The following ACBD4 variants were observed in gnomAD, a reference collection of about 807,000 sequenced individuals.
ACBD4 encodes the protein acyl-CoA-binding domain-containing protein 4.
Under a neutral mutation model 46.0 loss-of-function variants are expected in ACBD4, and 41 were observed. The ratio of observed to expected loss-of-function variants is 0.89; its 90% CI spans 0.69 to 1.16. The LOEUF (loss-of-function observed/expected upper bound fraction) is 1.16, where lower values mean the gene tolerates loss of function less well. ACBD4 is among the 50% of genes most tolerant of loss of function. The probability of loss-of-function intolerance (pLI) is 0.00; values close to 1 mark genes in which losing one functional copy is unlikely to be tolerated. For missense variants in ACBD4, 393 were observed against 399.5 expected (o/e 0.98, Z 0.14); for synonymous variants, 162 against 155.9 (o/e 1.04, Z -0.29).
chr17:45,137,004 C>G lies in ACBD4; in HGVS notation c.295-15C>G, dbSNP rs368142218. On this transcript the variant is annotated splice_polypyrimidine_tract_variant and intron_variant, in intron 4 of 9. Coordinates refer to ENST00000321854, the MANE Select transcript of ACBD4 (RefSeq NM_001135705.3). Reference sequence around the variant, plus strand: ...AGGAGGCCACTCCGTCCCCAACAGACCCCCTCCCCTACAGGTGATCGACAC... The same window carrying G: ...AGGAGGCCACTCCGTCCCCAACAGAGCCCCTCCCCTACAGGTGATCGACAC... 5.9e-5 allele frequency: 96 copies of G among 1,613,916 alleles called. No homozygotes were observed. Among genetic ancestry groups the G allele is most frequent in the Non-Finnish European group, 7.8e-5 (92 of 1,179,966 alleles).
intron 8 of ACBD4, 128 bp from the exon 9 acceptor site, chr17:45,138,893 G>A: frequency 2.0e-6 from 2 of 1,014,298 alleles, no homozygotes; most frequent in South Asian, 1.5e-5. Context: ...GACTTTGCAA[G>A]AATCACACTT....
chr17:45,136,870 C>A (rs1182382265), intron 4 of ACBD4, 94 bp downstream of exon 4: 14 of 1,582,432 alleles, frequency 8.8e-6, no homozygotes, highest in African/African-American at 1.3e-5. Context: ...ACATGGACCC[C>A]CTCATGGGAA....
At chr17:45,134,111 G>A (rs936879932), upstream of ACBD4, among the ~76,000 whole-genome samples, 2 of 152,140 alleles carry the variant, frequency 1.3e-5, no homozygotes, top group African/African-American at 4.8e-5. Context: ...CTTTGTATTA[G>A]GAACATTCCA....
Position 45,138,106 on chromosome 17 carries a change from C to A in ACBD4, c.649+118C>A, listed in dbSNP as rs1035732179. 3.7e-6 allele frequency: 4 copies of A among 1,087,354 alleles called. No homozygotes were observed. In the African/African-American group the frequency reaches 4.7e-5, roughly 13 times the overall value. The allele number at this position is 1,087,354 out of a possible 1,614,324, so 67.4% of individuals were successfully genotyped here. ...TGAAAGTCCATTGCTGGGCACTGAG[C>A]GAGAAGCCTCTGTCCAGGAAGGGCT... is the stretch of plus-strand genomic sequence containing the variant. On this transcript the variant is annotated intron_variant, in intron 8 of 9. Coordinates refer to ENST00000321854, the MANE Select transcript of ACBD4 (RefSeq NM_001135705.3).
chr17:45,140,658 C>CA (rs35492972), intron 9 of ACBD4, among the ~76,000 whole-genome samples: 64,997 of 130,692 alleles, frequency 0.5, 16,673 homozygotes, highest in African/African-American at 0.7. Flanking sequence ...GATCCTGCCT[C>CA]AAAAAAAAAA....
chr17:45,132,501 A>T, upstream of ACBD4: 1 of 706,084 alleles, frequency 1.4e-6, no homozygotes. The surrounding 1 kb of genome is among the most constrained non-coding windows in gnomAD (Gnocchi z 4.6). Context: ...GCTCTGAGCG[A>T]GGCGGCGAGC....
chr17:45,136,029 C>A, intron 1 of ACBD4, 76 bp downstream of exon 1: 1 of 1,054,324 alleles, frequency 9.5e-7, no homozygotes, highest in South Asian at 1.4e-5. Flanking sequence ...CTTAGTTTGC[C>A]CCTCTGGGAA....
chr17:45,138,948 C>G (rs2055076120), intron 8 of ACBD4, 73 bp from the exon 9 acceptor site: 1 of 1,539,878 alleles, frequency 6.5e-7, no homozygotes. Context: ...TGGGCTTGCC[C>G]CAGCCTGCCC....
At position 45,143,805 on chromosome 17, in the gene ACBD4, T is replaced by G. The variant is rs1014028635; in HGVS notation, c.*234T>G. 21 of 657,556 alleles carry G rather than the reference T, an allele frequency of 3.2e-5. No individual in the cohort carries two copies. The highest frequency in any genetic ancestry group is 2.1e-4 in the Admixed American group (7 of 33,476). 40.7% of individuals were successfully genotyped at this position (657,556 alleles called of 1,614,324 possible). On this transcript the variant is annotated 3_prime_UTR_variant, in exon 10 of 10. Coordinates refer to ENST00000321854, the MANE Select transcript of ACBD4 (RefSeq NM_001135705.3). ...CCAGGCTCCCCTGGGAGGCTGCAGT[T>G]GTGGTACACGTCCCCGGTGCTGGGT...
At chr17:45,134,915 C>T (rs2143721066), upstream of ACBD4, among the ~76,000 whole-genome samples, 1 of 152,204 alleles carries the variant, frequency 6.6e-6, no homozygotes, top group Middle Eastern at 3.4e-3. Context: ...CCCCCCCTCC[C>T]CAGTACCCTT....
At chr17:45,135,349 T>A (rs571403587), upstream of ACBD4, 38 of 152,272 alleles carry the variant, frequency 2.5e-4, no homozygotes, top group African/African-American at 8.9e-4. Flanking sequence ...AGTGCCTAAG[T>A]GTCTAGAGAG....
At chr17:45,132,231 C>T (rs61612038), upstream of ACBD4, 565 of 1,264,864 alleles carry the variant, frequency 4.5e-4, 2 homozygotes, top group East Asian at 0.015. This position sits in a 1 kb window ranked among gnomAD's most constrained non-coding sequence, Gnocchi z 4.6. Flanking sequence ...CCCCACCGCC[C>T]CTTGCCCGTC....
chr17:45,138,992 CCCCTT>C (rs757604047), intron 8 of ACBD4, 24 bp from the exon 9 acceptor site: 1 of 1,610,744 alleles, frequency 6.2e-7, no homozygotes, highest in Non-Finnish European at 8.5e-7. Flanking sequence ...CCTCCTGAGC[CCCCTT>C]CCCTGTGTGT....
At position 45,137,437 on chromosome 17, in the gene ACBD4, C is replaced by G; in HGVS notation, c.485C>G (p.Pro162Arg). The G allele has an allele frequency of 6.2e-7, 1 of 1,614,000 alleles. No individual in the cohort carries two copies. The highest frequency in any genetic ancestry group is 8.5e-7 in the Non-Finnish European group (1 of 1,179,986). The stretch of plus-strand genomic sequence containing the variant: ...GAGCCTCCCTGCCTCCCCAAGGAAC[C>G]GGCACCCCCAAGCCCAGGTTAGTGC... ...VSEPPCLPKEPAPPSPESHSP... is the reference protein window; with the variant it reads ...VSEPPCLPKERAPPSPESHSP... Residue 162 changes from proline to arginine, a missense_variant, in exon 6 of 10, where the codon CCG (proline) becomes CGG (arginine). Physicochemically the swap from Pro to Arg is moderately radical, Grantham distance 103. This residue lies in a region of ACBD4 where 308 missense variants were observed against 301.8 expected (regional missense o/e 1.02). Transcript: ENST00000321854.
At position 45,137,905 on chromosome 17, in the gene ACBD4, C is replaced by T. The variant is rs1296462829; in HGVS notation, c.574-8C>T. 6.2e-7 allele frequency: 1 copy of T among 1,611,874 alleles called. No individual in the cohort carries two copies. The highest frequency in any genetic ancestry group is 8.5e-7 in the Non-Finnish European group (1 of 1,178,936). On this transcript the variant is annotated splice_polypyrimidine_tract_variant and splice_region_variant and intron_variant, in intron 7 of 9. Coordinates refer to ENST00000321854, the MANE Select transcript of ACBD4 (RefSeq NM_001135705.3). ...TCCCACCCTCAGCTCTCTGACTCAT[C>T]TCAGCAGGTTTGGACAGAGCAGCGG...
intron 5 of ACBD4, 93 bp downstream of exon 5, chr17:45,137,232 A>G: frequency 6.2e-7 from 1 of 1,602,852 alleles, no homozygotes; most frequent in Non-Finnish European, 8.5e-7. Flanking sequence ...TCCAGGCGAC[A>G]TCCCTGTTAG....
rs2054979462 is a variant in ACBD4, at chr17:45,137,972, G to GC, written c.639dup (p.Thr214HisfsTer49). Reference sequence around the variant, plus strand: ...AGCGTGATCCCAGGAACAGCCCCGTGCCCCCCACAAAGAAAGGTGAGCTCC... The same window carrying GC: ...AGCGTGATCCCAGGAACAGCCCCGTGCCCCCCCACAAAGAAAGGTGAGCTCC... On this transcript the variant is annotated frameshift_variant, in exon 8 of 10. Transcript: ENST00000321854. LOFTEE classifies it high-confidence loss of function. 2 of 1,613,476 alleles carry GC rather than the reference G, an allele frequency of 1.2e-6. No individual in the cohort carries two copies. The highest frequency in any genetic ancestry group is 3.3e-5 in the Admixed American group (2 of 59,946).
At position 45,139,124 on chromosome 17, in the gene ACBD4, G is replaced by T. The variant is rs751355553; in HGVS notation, c.753G>T (p.Val251=). ...QESMQEVQAR[V]QSLESMPRPP... ...GCATGCAGGAGGTGCAGGCGAGGGT[G>T]CAGAGCCTGGAGAGCATGCCCCGGC... Residue 251 remains valine (V), a synonymous_variant, in exon 9 of 10, where the codon GTG becomes GTT. Coordinates refer to ENST00000321854, the MANE Select transcript of ACBD4 (RefSeq NM_001135705.3). The T allele has an allele frequency of 4.3e-6, 7 of 1,613,790 alleles. No individual in the cohort carries two copies. Among genetic ancestry groups the T allele is most frequent in the Non-Finnish European group, 5.1e-6 (6 of 1,180,018 alleles).
chr17:45,134,858 C>G (rs2054701914), upstream of ACBD4, among the ~76,000 whole-genome samples: 1 of 152,118 alleles, frequency 6.6e-6, no homozygotes, highest in African/African-American at 2.4e-5. Flanking sequence ...TATTGTGCTA[C>G]CGAACACTGG....
Sources: gnomAD v4.1 joint callset for allele counts (sites outside exome capture counted in the v4.1 genomes callset) on GRCh38, gnomAD v4.1.1 for gene constraint, gnomAD v4.1.1 regional missense constraint, Gnocchi (gnomAD v3.1) non-coding constraint, MANE v1.5 for transcripts, NCBI Gene and HGNC (gene_info 2026-07-23, HGNC 2026-07-21) for gene names.